Variants in LRMDA observed in about 807,000 individuals in gnomAD.
LRMDA encodes the protein leucine-rich melanocyte differentiation-associated protein.
In LRMDA, 18 loss-of-function variants were observed where a neutral mutation model predicts 29.8. The observed-to-expected ratio is 0.60, with a 90% confidence interval of 0.42 to 0.90. The LOEUF (loss-of-function observed/expected upper bound fraction) is 0.90, where lower values mean the gene tolerates loss of function less well. Ranked by LOEUF, LRMDA falls within the 40% of genes least tolerant of loss-of-function variation. LRMDA has a pLI of 0.00. For synonymous variants in LRMDA, 125 were observed against 109.4 expected (o/e 1.14, Z -0.89); for missense variants, 273 against 273.9 (o/e 1.00, Z 0.02).
intron 5 of LRMDA, among the ~76,000 whole-genome samples, chr10:76,157,311 A>G (rs574831073): frequency 2.0e-5 from 3 of 152,320 alleles, no homozygotes; most frequent in Admixed American, 6.5e-5. Flanking sequence ...GAAGAATGGC[A>G]CAGCTTTTAA....
intron 3 of LRMDA, among the ~76,000 whole-genome samples, chr10:76,044,977 C>CTTTCCCCTCCCTTGCTAGTT (rs1848407490): frequency 7.2e-6 from 1 of 139,594 alleles, no homozygotes; most frequent in South Asian, 2.5e-4. Flanking sequence ...TCTCTTGCTA[C>CTTTCCCCTCCCTTGCTAGTT]TTTCCCCTCC....
At chr10:76,082,361 G>A (rs554699374) in intron 5 of LRMDA, among the ~76,000 whole-genome samples, 1 of 152,192 alleles carries the variant, frequency 6.6e-6, no homozygotes, top group African/African-American at 2.4e-5. Context: ...ACATGGCAAG[G>A]TTTGTCTTCT....
intron 6 of LRMDA, among the ~76,000 whole-genome samples, chr10:76,435,031 C>T (rs754689779): frequency 6.6e-5 from 10 of 152,286 alleles, no homozygotes; most frequent in African/African-American, 2.4e-4. Flanking sequence ...TCCCTCCCAC[C>T]CTGCCACGTT....
chr10:75,744,083 T>G (rs1432925732), intron 2 of LRMDA, among the ~76,000 whole-genome samples: 2 of 152,220 alleles, frequency 1.3e-5, no homozygotes, highest in African/African-American at 4.8e-5. Flanking sequence ...TTGGCTGTTG[T>G]GTGTTGGTGA....
chr10:76,012,664 C>T (rs1279027868), intron 2 of LRMDA, among the ~76,000 whole-genome samples: 3 of 152,140 alleles, frequency 2.0e-5, no homozygotes, highest in Admixed American at 6.5e-5. Flanking sequence ...CGAGGCAGTG[C>T]GTGCATGCAC....
chr10:76,328,514 C>T (rs889510549), intron 6 of LRMDA, among the ~76,000 whole-genome samples: 2 of 152,168 alleles, frequency 1.3e-5, no homozygotes, highest in African/African-American at 4.8e-5. Flanking sequence ...AAATCAAAGC[C>T]CTGTGCCCTT....
rs115673787 is a variant in LRMDA at position 76,093,760 on chromosome 10, C to T, written c.516+34977C>T. Among the ~76,000 whole-genome samples the T allele has an allele frequency of 1.8e-3, 271 of 152,296 alleles. 4 individuals carry two copies. Among genetic ancestry groups the T allele is most frequent in the African/African-American group, 6.3e-3 (262 of 41,566 alleles). On this transcript the variant is annotated intron_variant, in intron 5 of 6. Coordinates refer to ENST00000611255, the MANE Select transcript of LRMDA (RefSeq NM_001305581.2). ...GACAAGTTCCAAATAACCAACCCAA[C>T]GCCACTCATATATCTGCATCATAGT... is the stretch of plus-strand genomic sequence containing the variant.
chr10:76,047,206 A>G lies in LRMDA; in HGVS notation c.301A>G (p.Thr101Ala). The G allele has an allele frequency of 6.2e-7, 1 of 1,614,080 alleles. No individual in the cohort carries two copies. The highest frequency in any genetic ancestry group is 8.5e-7 in the Non-Finnish European group (1 of 1,179,972). The change falls in exon 4 of 7, where the codon ACA (threonine) becomes GCA (alanine). Residue 101 changes from threonine to alanine, a missense_variant. Transcript: ENST00000611255. ...CCTGCTGGATCACTTGGCAGAAGTGACACCAGCTCTGGAGTACCTCAGTCT... is the reference window on the plus strand; with the variant it reads ...CCTGCTGGATCACTTGGCAGAAGTGGCACCAGCTCTGGAGTACCTCAGTCT... ...ENLLDHLAEVTPALEYLSLLG... is the reference protein window; with the variant it reads ...ENLLDHLAEVAPALEYLSLLG...
intron 6 of LRMDA, among the ~76,000 whole-genome samples, chr10:76,458,091 C>T (rs1460050713): frequency 2.7e-5 from 4 of 146,300 alleles, no homozygotes; most frequent in Non-Finnish European, 6.0e-5. Context: ...TCACTTGGAT[C>T]GAAGCTTGTT....
intron 2 of LRMDA, among the ~76,000 whole-genome samples, chr10:75,765,916 C>G (rs1843158051): frequency 6.6e-6 from 1 of 152,140 alleles, no homozygotes; most frequent in South Asian, 2.1e-4. Flanking sequence ...TGCAGCCCTC[C>G]TGTGGGAAGC....
At chr10:75,981,475 G>T (rs1339837108) in intron 2 of LRMDA, among the ~76,000 whole-genome samples, 1 of 152,180 alleles carries the variant, frequency 6.6e-6, no homozygotes, top group Non-Finnish European at 1.5e-5. Context: ...AACAGGGTGG[G>T]TTTTCAGATG....
At chr10:76,013,541 G>C (rs753543726) in intron 2 of LRMDA, among the ~76,000 whole-genome samples, 1 of 151,988 alleles carries the variant, frequency 6.6e-6, no homozygotes, top group African/African-American at 2.4e-5. Flanking sequence ...AGAAAGTGAG[G>C]GCCTTTGGTT....
intron 2 of LRMDA, among the ~76,000 whole-genome samples, chr10:75,852,571 C>T (rs1037126232): frequency 6.6e-6 from 1 of 151,940 alleles, no homozygotes; most frequent in African/African-American, 2.4e-5. Context: ...ATAGTAATCT[C>T]TTGGGTGTGG....
At chr10:75,532,192 T>C (rs1845485535) in intron 2 of LRMDA, among the ~76,000 whole-genome samples, 1 of 152,204 alleles carries the variant, frequency 6.6e-6, no homozygotes, top group Admixed American at 6.5e-5. Flanking sequence ...CTTCATTATT[T>C]TCCTAACATC....
At chr10:76,252,514 A>G (rs1470311507) in intron 5 of LRMDA, among the ~76,000 whole-genome samples, 1 of 152,236 alleles carries the variant, frequency 6.6e-6, no homozygotes. Context: ...AGGACTGGCC[A>G]AGAGCAGAGC....
intron 5 of LRMDA, among the ~76,000 whole-genome samples, chr10:76,189,670 A>G (rs1431990461): frequency 6.6e-6 from 1 of 152,206 alleles, no homozygotes; most frequent in African/African-American, 2.4e-5. Flanking sequence ...TGAAAATTTA[A>G]CATATTTCAA....
At chr10:76,446,188 T>C (rs1842352717) in intron 6 of LRMDA, among the ~76,000 whole-genome samples, 1 of 152,232 alleles carries the variant, frequency 6.6e-6, no homozygotes, top group African/African-American at 2.4e-5. Flanking sequence ...TTTTCAGAAT[T>C]ATCTGTGTTG....
chr10:75,454,015 A>G (rs773412856), intron 2 of LRMDA, among the ~76,000 whole-genome samples: 4 of 152,242 alleles, frequency 2.6e-5, no homozygotes, highest in Non-Finnish European at 5.9e-5. Context: ...ACAGCCATGT[A>G]GAAATGTCAT....
At chr10:76,172,505 A>G (rs1056905854) in intron 5 of LRMDA, among the ~76,000 whole-genome samples, 17 of 152,196 alleles carry the variant, frequency 1.1e-4, no homozygotes, top group African/African-American at 3.9e-4. Context: ...CCAGGGAAGA[A>G]TACCAGAAAG....
Sources: gnomAD v4.1 joint callset for allele counts (sites outside exome capture counted in the v4.1 genomes callset) on GRCh38, gnomAD v4.1.1 for gene constraint, MANE v1.5 for transcripts, NCBI Gene and HGNC (gene_info 2026-07-23, HGNC 2026-07-21) for gene names.